Variants in CSNK1G1 observed in about 807,000 individuals in gnomAD.
CSNK1G1 encodes the protein casein kinase 1 gamma 1.
A neutral mutation model predicts 59.6 loss-of-function variants in CSNK1G1; 22 were observed. That is an observed-to-expected ratio of 0.37 (90% CI 0.26 to 0.53). CSNK1G1 has a LOEUF of 0.53. CSNK1G1 is among the 20% of genes least tolerant of loss of function. The pLI is 0.89. For synonymous variants in CSNK1G1, 179 were observed against 177.1 expected, an observed-to-expected ratio of 1.01 and a Z score of -0.08; for missense variants, 384 against 519.5, an observed-to-expected ratio of 0.74 and a Z score of 2.54.
In CSNK1G1 at chr15:64,181,141, G is replaced by A. The variant is rs567597187; in HGVS notation, c.1108-687C>T. 11 of 1,472,994 alleles carry A rather than the reference G, an allele frequency of 7.5e-6. No homozygotes were observed. The African/African-American group carries it at 1.1e-4, about 15-fold the overall frequency. The allele number at this position is 1,472,994 out of a possible 1,614,324, so 91.2% of individuals were successfully genotyped here. On this transcript the variant is annotated intron_variant, in intron 10 of 11. Coordinates refer to ENST00000303052, the MANE Select transcript of CSNK1G1 (RefSeq NM_022048.5). Reference sequence around the variant, plus strand: ...GATTGTCACATCCTCTCCGACAAGAGGGAAGATGGTAAAAAAACACTCTCC... The same window carrying A: ...GATTGTCACATCCTCTCCGACAAGAAGGAAGATGGTAAAAAAACACTCTCC...
intron 3 of CSNK1G1, among the ~76,000 whole-genome samples, chr15:64,257,681 C>T (rs1892458334): frequency 6.6e-6 from 1 of 152,034 alleles, no homozygotes; most frequent in Admixed American, 6.6e-5. Context: ...TGCCAGCATA[C>T]CTGACTAATT....
chr15:64,188,552 A>G lies in CSNK1G1; in HGVS notation c.1108-8098T>C. The G allele has an allele frequency of 8.3e-7, 1 of 1,208,614 alleles. No homozygotes were observed. The highest frequency in any genetic ancestry group is 1.2e-6 in the Non-Finnish European group (1 of 854,166). The allele number at this position is 1,208,614 out of a possible 1,614,324, so 74.9% of individuals were successfully genotyped here. On this transcript the variant is annotated intron_variant, in intron 10 of 11. Transcript: ENST00000303052. This position sits in a 1 kb window ranked among gnomAD's most constrained non-coding sequence, Gnocchi z 4.2. ...AAAGGTGAAGCAACAGCAAGCAATA[A>G]CAAAATCAAGTACATTCGTGTCCCT...
intron 10 of CSNK1G1, among the ~76,000 whole-genome samples, chr15:64,195,872 G>A (rs952003863): frequency 1.2e-4 from 19 of 152,112 alleles, no homozygotes; most frequent in Admixed American, 3.9e-4. Context: ...TTTTAGGAAC[G>A]TTTATTCTAT....
intron 1 of CSNK1G1, among the ~76,000 whole-genome samples, chr15:64,327,762 G>A (rs1298944515): frequency 1.4e-5 from 2 of 138,558 alleles, no homozygotes; most frequent in Non-Finnish European, 3.1e-5. Flanking sequence ...AGGCAAAGAA[G>A]TTGAAAACTT....
intron 1 of CSNK1G1, among the ~76,000 whole-genome samples, chr15:64,351,776 G>A (rs1898302462): frequency 6.6e-6 from 1 of 152,172 alleles, no homozygotes; most frequent in African/African-American, 2.4e-5. Flanking sequence ...CTAATCGGGA[G>A]ACTGAGGCAG....
chr15:64,238,518 A>AAAATATATATATATATATAT (rs1555396879), intron 4 of CSNK1G1, among the ~76,000 whole-genome samples: 1 of 49,242 alleles, frequency 2.0e-5, no homozygotes, highest in Non-Finnish European at 3.2e-5. Flanking sequence ...AAAAAAAAAA[A>AAAATATATATATATATATAT]ATATATATAT....
intron 1 of CSNK1G1, among the ~76,000 whole-genome samples, chr15:64,345,664 C>T (rs914696567): frequency 6.6e-6 from 1 of 152,198 alleles, no homozygotes; most frequent in African/African-American, 2.4e-5. Flanking sequence ...GAAAACCACA[C>T]TCTGAACAAT....
At chr15:64,325,797 G>C (rs917117657) in intron 1 of CSNK1G1, among the ~76,000 whole-genome samples, 1 of 152,132 alleles carries the variant, frequency 6.6e-6, no homozygotes, top group Non-Finnish European at 1.5e-5. Context: ...TAAAAGAAAA[G>C]ATTAGAGAGG....
At chr15:64,343,303 A>G (rs928786365) in intron 1 of CSNK1G1, among the ~76,000 whole-genome samples, 5 of 151,212 alleles carry the variant, frequency 3.3e-5, no homozygotes, top group Admixed American at 6.6e-5. Context: ...CCTAGCACAC[A>G]CTGCTTTGAC....
intron 10 of CSNK1G1, among the ~76,000 whole-genome samples, chr15:64,201,009 C>T (rs1567369705): frequency 6.6e-6 from 1 of 152,090 alleles, no homozygotes; most frequent in East Asian, 1.9e-4. Flanking sequence ...CAGTGGCTCA[C>T]GCCTGTAATC....
intron 2 of CSNK1G1, among the ~76,000 whole-genome samples, chr15:64,299,607 T>TTATA (rs60611043): frequency 2.0e-5 from 3 of 150,468 alleles, no homozygotes; most frequent in African/African-American, 4.9e-5. Flanking sequence ...AAAAAAAATT[T>TTATA]TATATATATA....
intron 1 of CSNK1G1, among the ~76,000 whole-genome samples, chr15:64,311,470 A>G (rs952745624): frequency 7.9e-5 from 12 of 152,228 alleles, no homozygotes; most frequent in African/African-American, 2.9e-4. Flanking sequence ...ACATTTATTC[A>G]AAGTGTTCCT....
chr15:64,347,663 G>A (rs1181738865), intron 1 of CSNK1G1, among the ~76,000 whole-genome samples: 1 of 150,778 alleles, frequency 6.6e-6, no homozygotes, highest in Non-Finnish European at 1.5e-5. Flanking sequence ...AAAGAAAAGA[G>A]AAAAGAAAAA....
At chr15:64,196,306 T>C (rs970351866) in intron 10 of CSNK1G1, among the ~76,000 whole-genome samples, 3 of 152,226 alleles carry the variant, frequency 2.0e-5, no homozygotes, top group African/African-American at 7.2e-5. Context: ...TTAGGAACCA[T>C]ATTTGGGATT....
At chr15:64,297,708 A>G (rs1019850250) in intron 2 of CSNK1G1, among the ~76,000 whole-genome samples, 12 of 152,198 alleles carry the variant, frequency 7.9e-5, no homozygotes, top group African/African-American at 2.9e-4. Context: ...CAAAAAAAAA[A>G]AAAGAATAAG....
At chr15:64,303,188 C>A (rs1479222124) in intron 1 of CSNK1G1, among the ~76,000 whole-genome samples, 1 of 149,814 alleles carries the variant, frequency 6.7e-6, no homozygotes, top group Non-Finnish European at 1.5e-5. Flanking sequence ...TATTATCATG[C>A]CAGTAAATAG....
intron 3 of CSNK1G1, among the ~76,000 whole-genome samples, chr15:64,255,329 C>T (rs996408827): frequency 3.9e-5 from 6 of 152,146 alleles, no homozygotes; most frequent in African/African-American, 1.4e-4. Flanking sequence ...CCCACCTCAG[C>T]CTCCCAAAGT....
At chr15:64,266,728 AT>A (rs1893008900) in intron 2 of CSNK1G1, among the ~76,000 whole-genome samples, 2 of 152,304 alleles carry the variant, frequency 1.3e-5, no homozygotes, top group African/African-American at 4.8e-5. Flanking sequence ...CAGGTAACTG[AT>A]TTTCGACAAA....
At chr15:64,204,652 G>GA in intron 8 of CSNK1G1, 63 bp from the exon 9 acceptor site, 2 of 1,523,384 alleles carry the variant, frequency 1.3e-6, no homozygotes, top group South Asian at 2.3e-5. Context: ...CAGTTGTGGG[G>GA]AAGCATTGGG....
Sources: allele counts gnomAD v4.1 joint callset (sites outside exome capture counted in the v4.1 genomes callset), GRCh38; gene constraint gnomAD v4.1.1; non-coding constraint Gnocchi (gnomAD v3.1); transcripts MANE v1.5; gene names NCBI Gene and HGNC (gene_info 2026-07-23, HGNC 2026-07-21).